Variants in GPLD1 observed in about 807,000 individuals in gnomAD.
GPLD1 encodes phosphatidylinositol-glycan-specific phospholipase D.
A neutral mutation model predicts 112.6 loss-of-function variants in GPLD1; 84 were observed. The ratio of observed to expected loss-of-function variants is 0.75; its 90% CI spans 0.63 to 0.89. The LOEUF is 0.89. Ranked by LOEUF, GPLD1 falls within the 40% of genes least tolerant of loss-of-function variation. The pLI, the probability that GPLD1 is intolerant of heterozygous loss-of-function variation, is 0.00. For synonymous variants in GPLD1, 386 were observed against 403.8 expected (o/e 0.96, Z 0.53); for missense variants, 1,044 against 1,051.5 (o/e 0.99, Z 0.10).
At chr6:24,468,505 G>T (rs1380911537) in intron 7 of GPLD1, among the ~76,000 whole-genome samples, 1 of 152,080 alleles carries the variant, frequency 6.6e-6, no homozygotes, top group East Asian at 1.9e-4. Flanking sequence ...CTCGCTTCGA[G>T]TTGTCCCATC....
At chr6:24,482,907 T>A (rs1358835177) in intron 2 of GPLD1, among the ~76,000 whole-genome samples, 2 of 152,088 alleles carry the variant, frequency 1.3e-5, no homozygotes, top group Non-Finnish European at 2.9e-5. Context: ...ATCACACCAG[T>A]ACACTCCAGC....
At chr6:24,436,152 A>G (rs1309164802) in intron 22 of GPLD1, among the ~76,000 whole-genome samples, 1 of 152,046 alleles carries the variant, frequency 6.6e-6, no homozygotes. Flanking sequence ...GCTACTCGGG[A>G]GGCTGAGACA....
At chr6:24,442,438 T>C in intron 20 of GPLD1, among the ~76,000 whole-genome samples, 1 of 18,014 alleles carries the variant, frequency 5.6e-5, no homozygotes, top group Non-Finnish European at 2.0e-4. Flanking sequence ...TTTTTTTTTT[T>C]TTTTTTTTTT....
intron 11 of GPLD1, among the ~76,000 whole-genome samples, chr6:24,462,003 A>T (rs1322612847): frequency 1.3e-5 from 2 of 152,222 alleles, no homozygotes; most frequent in Non-Finnish European, 1.5e-5. Flanking sequence ...AATACAAACC[A>T]GGCTTCTGGC....
intron 2 of GPLD1, among the ~76,000 whole-genome samples, chr6:24,482,863 T>A (rs1425564947): frequency 6.6e-6 from 1 of 151,936 alleles, no homozygotes; most frequent in African/African-American, 2.4e-5. Flanking sequence ...GAGGATCAAT[T>A]GAGTATAGGA....
intron 20 of GPLD1, among the ~76,000 whole-genome samples, chr6:24,439,989 T>A (rs895606625): frequency 1.4e-4 from 21 of 152,188 alleles, no homozygotes; most frequent in African/African-American, 4.8e-4. Flanking sequence ...GGGTATTTTT[T>A]AAATACACAC....
At position 24,436,728 on chromosome 6, in the gene GPLD1, T is replaced by C. The variant is rs1762590101; in HGVS notation, c.2206A>G (p.Ile736Val). Residue 736 changes from isoleucine (I) to valine (V), a missense_variant, in exon 22 of 25, where the codon ATC becomes GTC. By Grantham distance (29) the Ile-to-Val change is conservative (BLOSUM62 3). Coordinates refer to ENST00000230036, the MANE Select transcript of GPLD1 (RefSeq NM_001503.4). ...DLDDDGLDEIIMAAPLRIADV... is the reference protein window; with the variant it reads ...DLDDDGLDEIVMAAPLRIADV... ...GCTATCCTCAGGGGGGCTGCCATGA[T>C]GATTTCATCTGAAAACAATAAAAAC... 5.6e-6 allele frequency: 9 copies of C among 1,612,708 alleles called. No individual in the cohort carries two copies. The East Asian group carries it at 1.8e-4, about 32-fold the overall frequency.
chr6:24,486,197 GA>G, intron 1 of GPLD1, 67 bp from the exon 2 acceptor site: 1 of 934,832 alleles, frequency 1.1e-6, no homozygotes, highest in Non-Finnish European at 1.7e-6. Context: ...TAGGCGAGAT[GA>G]TTTTAAAAGA....
In GPLD1 at chr6:24,449,784, CT is replaced by C; in HGVS notation, c.1446+4del. The C allele has an allele frequency of 6.3e-7, 1 of 1,595,396 alleles. No individual in the cohort carries two copies. Among genetic ancestry groups the C allele is most frequent in the Non-Finnish European group, 8.6e-7 (1 of 1,164,264 alleles). ...TCCTCCAACCCTATCCAGCAGCAGC[CT>C]TACTTTGTAGGTGAGCTGCTCGGAG... On this transcript the variant is annotated splice_donor_region_variant and intron_variant, in intron 15 of 24. Transcript: ENST00000230036.
At chr6:24,452,280 G>C (rs565402772) in intron 14 of GPLD1, among the ~76,000 whole-genome samples, 9 of 152,188 alleles carry the variant, frequency 5.9e-5, no homozygotes, top group Admixed American at 2.0e-4. Context: ...GAAAGGCTTT[G>C]TAGAGAAGTA....
chr6:24,433,179 G>C lies in GPLD1; in HGVS notation c.2436+8C>G, dbSNP rs1762459532. ...TAAACATCAATGAAGTTCAGTCCTT[G>C]GGCTCACCTTTGCCTTGGACCTCAC... On this transcript the variant is annotated splice_region_variant and intron_variant, in intron 24 of 24. Transcript: ENST00000230036. 2 of 1,597,412 alleles carry C rather than the reference G, an allele frequency of 1.3e-6. No homozygotes were observed. Among genetic ancestry groups the C allele is most frequent in the Admixed American group, 3.3e-5 (2 of 59,986 alleles).
chr6:24,435,565 T>G (rs1762543319), intron 22 of GPLD1, among the ~76,000 whole-genome samples: 1 of 151,838 alleles, frequency 6.6e-6, no homozygotes, highest in Non-Finnish European at 1.5e-5. Context: ...ATTTTAAATT[T>G]TTTAAAATAG....
At chr6:24,436,216 A>G (rs1188633063) in intron 22 of GPLD1, among the ~76,000 whole-genome samples, 1 of 152,166 alleles carries the variant, frequency 6.6e-6, no homozygotes, top group Non-Finnish European at 1.5e-5. Flanking sequence ...TGATCACACC[A>G]CTGCACTCCA....
chr6:24,430,607 C>G (rs200863585), intron 24 of GPLD1, among the ~76,000 whole-genome samples: 1 of 124,720 alleles, frequency 8.0e-6, no homozygotes, highest in East Asian at 2.1e-4. Flanking sequence ...GCACTACTTA[C>G]TTAAGTAGAC....
At chr6:24,442,029 TAC>T (rs1321246284) in intron 20 of GPLD1, among the ~76,000 whole-genome samples, 1 of 148,362 alleles carries the variant, frequency 6.7e-6, no homozygotes, top group Non-Finnish European at 1.5e-5. Context: ...ACATATTATA[TAC>T]ATTTATATTA....
intron 13 of GPLD1, among the ~76,000 whole-genome samples, chr6:24,455,537 TA>T (rs1189062428): frequency 3.9e-5 from 6 of 152,226 alleles, no homozygotes; most frequent in East Asian, 1.9e-4. Context: ...TGTTTTGTTT[TA>T]TTTTTTTATT....
chr6:24,455,912 T>C (rs1763249472), intron 13 of GPLD1, among the ~76,000 whole-genome samples: 1 of 152,212 alleles, frequency 6.6e-6, no homozygotes, highest in Admixed American at 6.5e-5. Context: ...CAGTGGCTCA[T>C]GCTTGTAATC....
intron 3 of GPLD1, among the ~76,000 whole-genome samples, chr6:24,476,843 G>C (rs1223329972): frequency 6.6e-6 from 1 of 152,084 alleles, no homozygotes; most frequent in Admixed American, 6.5e-5. Flanking sequence ...TCCCACAAGA[G>C]GGGTAGGAAA....
intron 7 of GPLD1, 107 bp from the exon 8 acceptor site, chr6:24,467,381 C>G: frequency 1.4e-6 from 1 of 700,878 alleles, no homozygotes; most frequent in Non-Finnish European, 2.5e-6. Flanking sequence ...GTGCCAGGCA[C>G]CATGTAAAAG....
Sources: gnomAD v4.1 joint callset for allele counts (sites outside exome capture counted in the v4.1 genomes callset) on GRCh38, gnomAD v4.1.1 for gene constraint, MANE v1.5 for transcripts, NCBI Gene and HGNC (gene_info 2026-07-23, HGNC 2026-07-21) for gene names.